LCA5L: variants seen among roughly 807,000 people sequenced by gnomAD.
The protein encoded by LCA5L is lebercilin-like protein.
A neutral mutation model predicts 45.4 loss-of-function variants in LCA5L; 35 were observed. The observed-to-expected ratio is 0.77, with a 90% CI of 0.59 to 1.02. LCA5L has a LOEUF of 1.02. Ranked by LOEUF, LCA5L falls within the 50% of genes least tolerant of loss-of-function variation. The probability of loss-of-function intolerance (pLI) is 0.00; values close to 1 mark genes in which losing one functional copy is unlikely to be tolerated. For missense variants in LCA5L, 668 were observed against 761.6 expected, an observed-to-expected ratio of 0.88 and a Z score of 1.45; for synonymous variants, 233 against 264.7, an observed-to-expected ratio of 0.88 and a Z score of 1.16.
At chr21:39,444,513 T>C (rs1257125728) in intron 1 of LCA5L, 1 of 152,204 alleles carries the variant, frequency 6.6e-6, no homozygotes, top group African/African-American at 2.4e-5. Flanking sequence ...GTAATTTATA[T>C]AATCCTTTAA....
In LCA5L at chr21:39,406,329, T is replaced by C. The variant is rs1240086991; in HGVS notation, c.1566A>G (p.Arg522=). The C allele has an allele frequency of 3.1e-6, 5 of 1,614,060 alleles. No individual in the cohort carries two copies. Among genetic ancestry groups the C allele is most frequent in the Non-Finnish European group, 4.2e-6 (5 of 1,180,032 alleles). ...PYTKGPLRQR[R]HYSFTEATEN... is the part of the protein sequence containing the mutation. Reference sequence around the variant, plus strand: ...CAGTTGCTTCTGTGAATGAGTAATGTCTTCTTTGTCTGAGGGGGCCTTTCG... The same window carrying C: ...CAGTTGCTTCTGTGAATGAGTAATGCCTTCTTTGTCTGAGGGGGCCTTTCG... Residue 522 remains arginine (R), a synonymous_variant, in exon 11 of 11, where the codon AGA becomes AGG. Transcript: ENST00000288350.
At chr21:39,444,527 A>AAAAATC (rs2077225782) in intron 1 of LCA5L, 2 of 152,184 alleles carry the variant, frequency 1.3e-5, no homozygotes, top group African/African-American at 4.8e-5. Context: ...CCTTTAAAAA[A>AAAAATC]CTTACTCATA....
intron 3 of LCA5L, among the ~76,000 whole-genome samples, chr21:39,430,781 A>G (rs904873911): frequency 6.6e-6 from 1 of 152,184 alleles, no homozygotes. Flanking sequence ...TGGACACCAC[A>G]GCTCATACCC....
intron 5 of LCA5L, among the ~76,000 whole-genome samples, chr21:39,424,791 T>C (rs929496444): frequency 2.0e-5 from 3 of 152,250 alleles, no homozygotes; most frequent in African/African-American, 7.2e-5. Flanking sequence ...GTAATTGGCA[T>C]GTGTCCAGGG....
At chr21:39,431,656 T>C (rs963583194) in intron 3 of LCA5L, among the ~76,000 whole-genome samples, 20 of 152,144 alleles carry the variant, frequency 1.3e-4, no homozygotes, top group African/African-American at 4.8e-4. Context: ...TAGCTGGGAC[T>C]ACAGGTACGT....
At position 39,420,703 on chromosome 21, in the gene LCA5L, T is replaced by A; in HGVS notation, c.975+3A>T. The A allele has an allele frequency of 6.2e-7, 1 of 1,607,308 alleles. No homozygotes were observed. Among genetic ancestry groups the A allele is most frequent in the South Asian group, 1.1e-5 (1 of 90,680 alleles). On this transcript the variant is annotated splice_donor_region_variant and intron_variant, in intron 7 of 10. Coordinates refer to ENST00000288350, the MANE Select transcript of LCA5L (RefSeq NM_152505.4). ...TTCTTACATTTTGTTTTAAAAGAAATACCTTAAGTTTTTGTTGAAGGTGTT... is the reference window on the plus strand; with the variant it reads ...TTCTTACATTTTGTTTTAAAAGAAAAACCTTAAGTTTTTGTTGAAGGTGTT...
rs201924303 is a variant in LCA5L at position 39,423,181 on chromosome 21, C to G, written c.632G>C (p.Arg211Thr). 8.6e-5 allele frequency: 139 copies of G among 1,613,188 alleles called. No homozygotes were observed. The highest frequency in any genetic ancestry group is 1.6e-4 in the Middle Eastern group (1 of 6,062). Reference sequence around the variant, plus strand: ...TTCCTGGGATTTCCTAAGTAGTTGCCTTAAATTTTTTACTTCATTCTGATG... The same window carrying G: ...TTCCTGGGATTTCCTAAGTAGTTGCGTTAAATTTTTTACTTCATTCTGATG... ...AKHQNEVKNL[R>T]QLLRKSQEKE... The change falls in exon 6 of 11, where the codon AGG (arginine) becomes ACG (threonine). Residue 211 changes from arginine (R) to threonine (T), a missense_variant. Physicochemically the swap from Arg to Thr is moderately conservative, Grantham distance 71. Transcript: ENST00000288350.
At position 39,423,463 on chromosome 21, in the gene LCA5L, T is replaced by C. The variant is rs80242341; in HGVS notation, c.350A>G (p.Lys117Arg). Residue 117 changes from lysine to arginine, a missense_variant, in exon 6 of 11, where the codon AAG (lysine) becomes AGG (arginine). Coordinates refer to ENST00000288350, the MANE Select transcript of LCA5L (RefSeq NM_152505.4). ...AAAGAGTGATGCATTCCAGGTGTGC[T>C]TTTTTTCAACTGATATTTCCTTCTG... ...KGQKEISVEKKHTWNASLFNS... is the reference protein window; with the variant it reads ...KGQKEISVEKRHTWNASLFNS... 3 of 1,565,318 alleles carry C rather than the reference T, an allele frequency of 1.9e-6. No individual in the cohort carries two copies. The highest frequency in any genetic ancestry group is 1.2e-5 in the South Asian group (1 of 85,002).
chr21:39,412,474 G>C (rs2040257414), intron 7 of LCA5L, among the ~76,000 whole-genome samples: 1 of 152,200 alleles, frequency 6.6e-6, no homozygotes, highest in South Asian at 2.1e-4. Flanking sequence ...TGTACACCAG[G>C]AGGCAAGAAA....
chr21:39,412,395 T>G (rs1291784099), intron 7 of LCA5L, among the ~76,000 whole-genome samples: 3 of 152,188 alleles, frequency 2.0e-5, no homozygotes, highest in Non-Finnish European at 4.4e-5. Context: ...AAAACAGACA[T>G]TTTGAAACCT....
In LCA5L at chr21:39,410,298, G is replaced by A. The variant is rs1340155952; in HGVS notation, c.1130C>T (p.Thr377Ile). ...LPFTSMRHQG[T>I]QKSDVPPLTT... ...CAAAGGTGGAACATCTGATTTTTGG[G>A]TTCCCTGGTGTCTCATACTTGTGAA... The change falls in exon 9 of 11, where the codon ACC becomes ATC. Residue 377 changes from threonine (T) to isoleucine (I), a missense_variant. Coordinates refer to ENST00000288350, the MANE Select transcript of LCA5L (RefSeq NM_152505.4). 1 of 1,609,602 alleles carries A rather than the reference G, an allele frequency of 6.2e-7. No homozygotes were observed.
chr21:39,423,443 G>T lies in LCA5L; in HGVS notation c.370C>A (p.Leu124Ile). Residue 124 changes from leucine to isoleucine, a missense_variant, in exon 6 of 11, where the codon CTC (leucine) becomes ATC (isoleucine). By Grantham distance (5) the Leu-to-Ile change is conservative. Transcript: ENST00000288350. The stretch of plus-strand genomic sequence containing the variant: ...ATCATATGGATTTGAGAATTAAAGA[G>T]TGATGCATTCCAGGTGTGCTTTTTT... ...VEKKHTWNAS[L>I]FNSQIHMIAQ... is the part of the protein sequence containing the mutation. 6.3e-7 allele frequency: 1 copy of T among 1,589,294 alleles called. No homozygotes were observed.
chr21:39,415,734 G>A (rs1421359399), intron 7 of LCA5L, among the ~76,000 whole-genome samples: 3 of 152,160 alleles, frequency 2.0e-5, no homozygotes, highest in Non-Finnish European at 4.4e-5. Flanking sequence ...ATCTCTTACT[G>A]TCTTTTAATC....
At chr21:39,408,029 C>T (rs1419315726) in intron 10 of LCA5L, 1 of 152,238 alleles carries the variant, frequency 6.6e-6, no homozygotes, top group African/African-American at 2.4e-5. Flanking sequence ...GCTCTCCATG[C>T]TGCCTAAGGG....
chr21:39,425,754 T>G (rs964795037), intron 5 of LCA5L: 3 of 152,444 alleles, frequency 2.0e-5, no homozygotes, highest in African/African-American at 7.2e-5. Context: ...TTGTAATGTC[T>G]TCCAGCTCTT....
Position 39,423,299 on chromosome 21 carries a change from T to G in LCA5L, c.514A>C (p.Asn172His). 1 of 1,609,002 alleles carries G rather than the reference T, an allele frequency of 6.2e-7. No individual in the cohort carries two copies. ...AGCTGAAGTTGTTTCAAAAATTGGT[T>G]TTCTGTAAGGATGGCTTCCAATTTA... ...HHKLEAILTE[N>H]QFLKQLQLRH... The change falls in exon 6 of 11, where the codon AAC (asparagine) becomes CAC (histidine). Residue 172 changes from asparagine (N) to histidine (H), a missense_variant. Physicochemically the swap from Asn to His is moderately conservative, Grantham distance 68. Coordinates refer to ENST00000288350, the MANE Select transcript of LCA5L (RefSeq NM_152505.4).
At chr21:39,433,926 GCTTT>G (rs1272284552) in intron 3 of LCA5L, among the ~76,000 whole-genome samples, 1 of 115,932 alleles carries the variant, frequency 8.6e-6, no homozygotes, top group African/African-American at 3.4e-5. Context: ...ACCACATCCA[GCTTT>G]TTTTTTTTTT....
At chr21:39,408,709 CT>C (rs2039537760) in intron 10 of LCA5L, 1 of 152,242 alleles carries the variant, frequency 6.6e-6, no homozygotes, top group Non-Finnish European at 1.5e-5. Flanking sequence ...ATAGGAAAAT[CT>C]GGGCAGCCCG....
At chr21:39,406,736 GA>G in intron 10 of LCA5L, 124 bp from the exon 11 acceptor site, 1 of 702,896 alleles carries the variant, frequency 1.4e-6, no homozygotes, top group Non-Finnish European at 2.4e-6. Context: ...GAAAAGGTAA[GA>G]AAATAGATGC....
Sources: gnomAD v4.1 joint callset for allele counts (sites outside exome capture counted in the v4.1 genomes callset) on GRCh38, gnomAD v4.1.1 for gene constraint, MANE v1.5 for transcripts, NCBI Gene and HGNC (gene_info 2026-07-23, HGNC 2026-07-21) for gene names.